Variants in IMPDH1 observed in about 807,000 individuals in gnomAD.
IMPDH1 encodes inosine monophosphate dehydrogenase 1.
In IMPDH1, 41 loss-of-function variants were observed where a neutral mutation model predicts 73.5. That is an observed-to-expected ratio of 0.56 (90% CI 0.43 to 0.72). IMPDH1 has a LOEUF of 0.72. IMPDH1 is among the 30% of genes least tolerant of loss of function. The probability of loss-of-function intolerance (pLI) is 0.00; values close to 1 mark genes in which losing one functional copy is unlikely to be tolerated. For synonymous variants in IMPDH1, 318 were observed against 334.3 expected (o/e 0.95, Z 0.53); for missense variants, 645 against 824.8 (o/e 0.78, Z 2.67).
intron 5 of IMPDH1, 111 bp from the exon 6 acceptor site, chr7:128,401,227 A>G: frequency 1.3e-6 from 1 of 770,876 alleles, no homozygotes; most frequent in Non-Finnish European, 2.3e-6. Flanking sequence ...ATGGCAGTGA[A>G]CAAGGTGGAT....
chr7:128,401,151 A>G (rs1798308008), intron 5 of IMPDH1, 35 bp from the exon 6 acceptor site: 2 of 1,508,108 alleles, frequency 1.3e-6, no homozygotes, highest in South Asian at 1.1e-5. Flanking sequence ...TAAAGAGTTT[A>G]TCACCCACTG....
chr7:128,395,309 G>A (rs1797838799), intron 12 of IMPDH1, 35 bp from the exon 13 acceptor site: 2 of 1,611,042 alleles, frequency 1.2e-6, no homozygotes, highest in South Asian at 1.1e-5. Context: ...GCAGAGAAGA[G>A]TCAACAGCAA....
rs543042380 is a variant in IMPDH1, at chr7:128,392,784, G to C, written c.*223C>G. The C allele has an allele frequency of 6.7e-4, 377 of 561,464 alleles. 1 individual carries two copies. The highest frequency in any genetic ancestry group is 2.3e-3 in the African/African-American group (123 of 52,858). The allele number at this position is 561,464 out of a possible 1,614,324, so 34.8% of individuals were successfully genotyped here. On this transcript the variant is annotated 3_prime_UTR_variant, in exon 17 of 17. Coordinates refer to ENST00000338791, the MANE Select transcript of IMPDH1 (RefSeq NM_000883.4). ...AGAGCCTGGCTGGCTGGGCTCGGAG[G>C]GGGGCTCCCAGGGCAGCCTGGCCCC...
chr7:128,395,295 C>A, intron 12 of IMPDH1, 21 bp from the exon 13 acceptor site: 5 of 1,612,272 alleles, frequency 3.1e-6, no homozygotes, highest in Non-Finnish European at 4.2e-6. Flanking sequence ...GTGGGGTGCA[C>A]AAGGCAGAGA....
Position 128,396,618 on chromosome 7 carries a change from T to TG in IMPDH1, c.1242dup (p.Ile415HisfsTer23), listed in dbSNP as rs1161608152. On this transcript the variant is annotated frameshift_variant, in exon 12 of 17. Transcript: ENST00000338791. LOFTEE classifies it high-confidence loss of function. This position sits in a 1 kb window ranked among gnomAD's most constrained non-coding sequence, Gnocchi z 4.0. ...CACCCACCTTCCTGGGTGATGCAGA[T>TG]GGAGCCGCAGCCCATGCCCACGCGC... 6.4e-7 allele frequency: 1 copy of TG among 1,554,976 alleles called. No homozygotes were observed. The highest frequency in any genetic ancestry group is 8.7e-7 in the Non-Finnish European group (1 of 1,148,716).
intron 13 of IMPDH1, 24 bp downstream of exon 13, chr7:128,395,107 A>G (rs1562984431): frequency 1.9e-6 from 3 of 1,613,820 alleles, no homozygotes; most frequent in East Asian, 2.2e-5. Context: ...CGCCTGCCCA[A>G]TCCCCAGCAC....
At chr7:128,406,683 T>C (rs1388846690) in intron 3 of IMPDH1, among the ~76,000 whole-genome samples, 2 of 152,060 alleles carry the variant, frequency 1.3e-5, no homozygotes, top group Non-Finnish European at 2.9e-5. Context: ...GCAAAATCTA[T>C]AGTTCGGAAA....
chr7:128,394,501 T>C lies in IMPDH1; in HGVS notation c.1649A>G (p.Gln550Arg), dbSNP rs1797767982. The C allele has an allele frequency of 6.2e-7, 1 of 1,613,910 alleles. No individual in the cohort carries two copies. Among genetic ancestry groups the C allele is most frequent in the Admixed American group, 1.7e-5 (1 of 60,008 alleles). The change falls in exon 15 of 17, where the codon CAA (glutamine) becomes CGA (arginine). Residue 550 changes from glutamine (Q) to arginine (R), a missense_variant. Coordinates refer to ENST00000338791, the MANE Select transcript of IMPDH1 (RefSeq NM_000883.4). This position sits in a 1 kb window ranked among gnomAD's most constrained non-coding sequence, Gnocchi z 5.5. ...KFVPYLIAGI[Q>R]HGCQDIGARS... ...GGCCCCGATATCCTGGCAGCCGTGT[T>C]GGATGCCTGCTATGAGGTAGGGCAC...
intron 10 of IMPDH1, among the ~76,000 whole-genome samples, chr7:128,397,700 A>C (rs932192132): frequency 2.0e-5 from 3 of 151,574 alleles, no homozygotes; most frequent in Non-Finnish European, 2.9e-5. Context: ...GGTGGGGGAG[A>C]GTCTTGATTT....
At position 128,394,719 on chromosome 7, in the gene IMPDH1, C is replaced by T; in HGVS notation, c.1551-120G>A. On this transcript the variant is annotated intron_variant, in intron 14 of 16. Coordinates refer to ENST00000338791, the MANE Select transcript of IMPDH1 (RefSeq NM_000883.4). This position sits in a 1 kb window ranked among gnomAD's most constrained non-coding sequence, Gnocchi z 5.5. ...GTCCCCCAGGCCACCCCTCACTGGG[C>T]TGAGTCAGATGGCCCAGGGACAGAT... 7.0e-7 allele frequency: 1 copy of T among 1,434,894 alleles called. No homozygotes were observed. Among genetic ancestry groups the T allele is most frequent in the Non-Finnish European group, 9.7e-7 (1 of 1,036,042 alleles). 88.9% of individuals were successfully genotyped at this position (1,434,894 alleles called of 1,614,324 possible).
At chr7:128,409,242 A>T in intron 3 of IMPDH1, 47 bp downstream of exon 3, 1 of 1,543,230 alleles carries the variant, frequency 6.5e-7, no homozygotes, top group East Asian at 2.3e-5. Context: ...CTGCACTGGC[A>T]GCCTCTCAGA....
In IMPDH1 at chr7:128,409,348, T is replaced by TA; in HGVS notation, c.194dup (p.Ser66IlefsTer20). On this transcript the variant is annotated frameshift_variant, in exon 3 of 17. Coordinates refer to ENST00000338791, the MANE Select transcript of IMPDH1 (RefSeq NM_000883.4). LOFTEE classifies it high-confidence loss of function. ...CACCTGCCAGTAAGACCACTGAAGATAGTTCTAGGAGGAAACAGCTAAGGA... is the reference window on the plus strand; with the variant it reads ...CACCTGCCAGTAAGACCACTGAAGATAAGTTCTAGGAGGAAACAGCTAAGGA... 1.9e-6 allele frequency: 3 copies of TA among 1,614,120 alleles called. No homozygotes were observed. Among genetic ancestry groups the TA allele is most frequent in the Non-Finnish European group, 2.5e-6 (3 of 1,180,010 alleles).
chr7:128,393,163 G>T, intron 16 of IMPDH1, 135 bp from the exon 17 acceptor site: 1 of 966,818 alleles, frequency 1.0e-6, no homozygotes, highest in Non-Finnish European at 1.6e-6. Context: ...GCCGTACGGC[G>T]CAGGAGGAGG....
At chr7:128,405,378 T>C (rs1798643190) in intron 4 of IMPDH1, among the ~76,000 whole-genome samples, 1 of 152,206 alleles carries the variant, frequency 6.6e-6, no homozygotes, top group South Asian at 2.1e-4. Context: ...AAGCGGCTGC[T>C]TAAGCTTGGC....
chr7:128,398,274 C>T lies in IMPDH1; in HGVS notation c.1074+140G>A, dbSNP rs1371867919. The T allele has an allele frequency of 1.3e-5, 9 of 684,936 alleles. No homozygotes were observed. Among genetic ancestry groups the T allele is most frequent in the Non-Finnish European group, 2.3e-5 (9 of 393,354 alleles). The allele number at this position is 684,936 out of a possible 1,614,324, so 42.4% of individuals were successfully genotyped here. A position where few individuals can be genotyped will look rare whatever the true frequency, so the allele number is the denominator to read the frequency against. The stretch of plus-strand genomic sequence containing the variant: ...TGCTGCCACCCTCCTAATTCTGACA[C>T]CAGGGAGCACTCAGAAAGAGAGAGG... On this transcript the variant is annotated intron_variant, in intron 10 of 16. Coordinates refer to ENST00000338791, the MANE Select transcript of IMPDH1 (RefSeq NM_000883.4). The surrounding 1 kb of genome is among the most constrained non-coding windows in gnomAD (Gnocchi z 4.3).
At chr7:128,406,310 A>G (rs866476820) in intron 3 of IMPDH1, among the ~76,000 whole-genome samples, 1 of 17,494 alleles carries the variant, frequency 5.7e-5, no homozygotes, top group Non-Finnish European at 1.2e-4. Flanking sequence ...CACACCCCCC[A>G]CCCCCCCCAC....
intron 3 of IMPDH1, 61 bp from the exon 4 acceptor site, chr7:128,405,926 C>T: frequency 7.0e-7 from 1 of 1,420,732 alleles, no homozygotes; most frequent in Non-Finnish European, 9.3e-7. Context: ...GCTGCCGCCG[C>T]TGCTGCTGCT....
chr7:128,400,338 T>C lies in IMPDH1; in HGVS notation c.781A>G (p.Ser261Gly). 1 of 1,613,332 alleles carries C rather than the reference T, an allele frequency of 6.2e-7. No homozygotes were observed. Among genetic ancestry groups the C allele is most frequent in the Non-Finnish European group, 8.5e-7 (1 of 1,179,588 alleles). ...TTCCCCTGCCCTGCAGGTACCTCAC[T>C]GAGGAGGGTGGTGTGGTCCTTCTCA... ...LAEKDHTTLL[S>G]EVMTPRIELV... is the part of the protein sequence containing the mutation. The change falls in exon 8 of 17, where the codon AGT becomes GGT. Residue 261 changes from serine (S) to glycine (G), a missense_variant. Transcript: ENST00000338791.
At chr7:128,397,073 G>A (rs1273510397) in intron 10 of IMPDH1, 51 bp from the exon 11 acceptor site, 2 of 1,305,508 alleles carry the variant, frequency 1.5e-6, no homozygotes, top group Non-Finnish European at 2.2e-6. Flanking sequence ...GGATTCTCAA[G>A]GCAGGAGGGA....
Sources: gnomAD v4.1 joint callset for allele counts (sites outside exome capture counted in the v4.1 genomes callset) on GRCh38, gnomAD v4.1.1 for gene constraint, Gnocchi (gnomAD v3.1) non-coding constraint, MANE v1.5 for transcripts, NCBI Gene and HGNC (gene_info 2026-07-23, HGNC 2026-07-21) for gene names.